The following CC2D2A variants were observed in gnomAD, a reference collection of about 807,000 sequenced individuals.
The protein encoded by CC2D2A is coiled-coil and C2 domain containing 2A, also known as coiled-coil and C2 domain-containing protein 2A.
Under a neutral mutation model 212.9 loss-of-function variants are expected in CC2D2A, and 155 were observed. The ratio of observed to expected loss-of-function variants is 0.73; its 90% CI spans 0.64 to 0.83. The LOEUF is 0.83. Ranked by LOEUF, CC2D2A falls within the 40% of genes least tolerant of loss-of-function variation. The pLI is 0.00. For missense variants in CC2D2A, 1,856 were observed against 1,956.2 expected, an observed-to-expected ratio of 0.95 and a Z score of 0.97; for synonymous variants, 667 against 686.5, an observed-to-expected ratio of 0.97 and a Z score of 0.44.
chr4:15,516,834 T>C (rs1198966213), intron 11 of CC2D2A, 78 bp downstream of exon 11: 3 of 1,380,850 alleles, frequency 2.2e-6, no homozygotes, highest in East Asian at 5.1e-5. Context: ...GGGTGCTATA[T>C]TTATAACATT....
chr4:15,483,343 G>A (rs1434399675), intron 4 of CC2D2A, among the ~76,000 whole-genome samples: 2 of 152,338 alleles, frequency 1.3e-5, no homozygotes, highest in East Asian at 3.9e-4. Flanking sequence ...GAACTGTAGG[G>A]TGAGGAGGAT....
At chr4:15,588,447 T>C (rs1481430840) in intron 32 of CC2D2A, among the ~76,000 whole-genome samples, 1 of 152,192 alleles carries the variant, frequency 6.6e-6, no homozygotes, top group Non-Finnish European at 1.5e-5. Context: ...GTTATTTTTA[T>C]TAGATTGGAG....
chr4:15,601,352 TATAC>T lies in CC2D2A; in HGVS notation c.4796_4799del (p.Ile1599ThrfsTer32). 6.2e-7 allele frequency: 1 copy of T among 1,608,414 alleles called. No individual in the cohort carries two copies. Among genetic ancestry groups the T allele is most frequent in the Non-Finnish European group, 8.5e-7 (1 of 1,176,682 alleles). ...CCTAATGTTGAATTTGCTTTAGCTG[TATAC>T]ATACACCCATACCCCAAAAATGTTT... On this transcript the variant is annotated frameshift_variant, in exon 37 of 37. Transcript: ENST00000424120. LOFTEE classifies it high-confidence loss of function.
intron 11 of CC2D2A, chr4:15,519,393 A>G: frequency 2.4e-6 from 1 of 408,966 alleles, no homozygotes; most frequent in Middle Eastern, 8.3e-4. Flanking sequence ...GTCTCTAGGG[A>G]GTTCCAAACT....
chr4:15,548,769 T>C (rs1272545771), intron 17 of CC2D2A, among the ~76,000 whole-genome samples: 2 of 152,054 alleles, frequency 1.3e-5, no homozygotes, highest in African/African-American at 2.4e-5. Context: ...GAGTGTTGGG[T>C]CAAGCAACAA....
At chr4:15,501,415 G>A (rs969777691) in intron 4 of CC2D2A, among the ~76,000 whole-genome samples, 3 of 152,016 alleles carry the variant, frequency 2.0e-5, no homozygotes, top group South Asian at 2.1e-4. Context: ...TTCTGAAAAC[G>A]CTGCTTGCAT....
chr4:15,582,912 A>G (rs1720714274), intron 30 of CC2D2A, among the ~76,000 whole-genome samples: 1 of 152,208 alleles, frequency 6.6e-6, no homozygotes, highest in Non-Finnish European at 1.5e-5. Flanking sequence ...CCTATATTCT[A>G]GGATAAACAT....
chr4:15,567,357 TCATA>T lies in CC2D2A; in HGVS notation c.3183-16_3183-13del. ...AGACTTCCTCTATCATTAATTTCCT[TCATA>T]CATTTTCTCTCCTAGCAAATTCCAG... On this transcript the variant is annotated splice_polypyrimidine_tract_variant and intron_variant, in intron 24 of 36. Coordinates refer to ENST00000424120, the MANE Select transcript of CC2D2A (RefSeq NM_001378615.1). The T allele has an allele frequency of 6.5e-7, 1 of 1,542,240 alleles. No homozygotes were observed. The highest frequency in any genetic ancestry group is 9.0e-7 in the Non-Finnish European group (1 of 1,116,132).
At position 15,586,475 on chromosome 4, in the gene CC2D2A, A is replaced by C. The variant is rs540178152; in HGVS notation, c.4065+229A>C. ...ACAAAAAATTTAAAAGTAACACTTC[A>C]GATGTCTTAATGCTGATTTACCCTC... is the stretch of plus-strand genomic sequence containing the variant. On this transcript the variant is annotated intron_variant, in intron 31 of 36. Transcript: ENST00000424120. 3.2e-3 allele frequency among the ~76,000 whole-genome samples: 494 copies of C among 152,342 alleles called. 4 individuals carry two copies. Among genetic ancestry groups the C allele is most frequent in the African/African-American group, 0.011 (477 of 41,582 alleles).
In CC2D2A at chr4:15,516,724, A is replaced by T; in HGVS notation, c.1117A>T (p.Ile373Phe). 6.2e-7 allele frequency: 1 copy of T among 1,613,258 alleles called. No homozygotes were observed. Among genetic ancestry groups the T allele is most frequent in the Non-Finnish European group, 8.5e-7 (1 of 1,179,478 alleles). ...GCCAGTACTAACACAGGAGCAGAGC[A>T]TTAAGGCAGAGCTTGAAACACTGTA... ...RPPVLTQEQS[I>F]KAELETLYKK... is the part of the protein sequence containing the mutation. Residue 373 changes from isoleucine (I) to phenylalanine (F), a missense_variant, in exon 11 of 37, where the codon ATT becomes TTT. Transcript: ENST00000424120.
intron 29 of CC2D2A, among the ~76,000 whole-genome samples, chr4:15,579,322 C>T (rs952136560): frequency 3.2e-4 from 49 of 151,168 alleles, no homozygotes; most frequent in African/African-American, 1.1e-3. Context: ...GAATAAGACC[C>T]TGTCTCAAAA....
At chr4:15,479,232 C>G (rs1265079606) in intron 3 of CC2D2A, 2 of 1,537,050 alleles carry the variant, frequency 1.3e-6, no homozygotes, top group Non-Finnish European at 1.7e-6. Flanking sequence ...GAAGCCAACT[C>G]CTTTCTCCCG....
intron 11 of CC2D2A, chr4:15,519,347 AT>A: frequency 2.4e-6 from 1 of 413,182 alleles, no homozygotes; most frequent in Non-Finnish European, 4.7e-6. Flanking sequence ...CATTGTCCAT[AT>A]TATTATCAGC....
intron 1 of CC2D2A, among the ~76,000 whole-genome samples, chr4:15,470,707 A>C (rs62289314): frequency 0.038 from 2,351 of 61,168 alleles, 49 homozygotes; most frequent in African/African-American, 0.083. Flanking sequence ...ATATATATAT[A>C]TATATATATA....
intron 11 of CC2D2A, among the ~76,000 whole-genome samples, chr4:15,525,186 CA>C (rs899192419): frequency 2.0e-5 from 3 of 152,132 alleles, no homozygotes; most frequent in African/African-American, 4.8e-5. Flanking sequence ...ACCTAAGTTG[CA>C]TTACAAGTAA....
intron 33 of CC2D2A, among the ~76,000 whole-genome samples, chr4:15,591,297 G>C (rs553375565): frequency 6.8e-6 from 1 of 146,212 alleles, no homozygotes; most frequent in Admixed American, 7.0e-5. Flanking sequence ...TCGGCTCAAC[G>C]CAACCTCCGT....
chr4:15,577,826 G>T (rs1720478394), intron 29 of CC2D2A, among the ~76,000 whole-genome samples: 1 of 152,028 alleles, frequency 6.6e-6, no homozygotes, highest in African/African-American at 2.4e-5. Context: ...AGCACTGTAG[G>T]TCTCAAGTCC....
At position 15,576,818 on chromosome 4, in the gene CC2D2A, G is replaced by T. The variant is rs1438842781; in HGVS notation, c.3771+2492G>T. On this transcript the variant is annotated intron_variant, in intron 29 of 36. Coordinates refer to ENST00000424120, the MANE Select transcript of CC2D2A (RefSeq NM_001378615.1). ...TCTTTTGGCCCATTTCATTTTACCA[G>T]AAAGACTGTTAGTTAGCTTTGAATC... 2.6e-5 allele frequency among the ~76,000 whole-genome samples: 4 copies of T among 152,156 alleles called. No individual in the cohort carries two copies. In the East Asian group the frequency reaches 7.7e-4, roughly 29 times the overall value.
intron 4 of CC2D2A, 146 bp downstream of exon 4, chr4:15,480,973 C>A: frequency 1.1e-6 from 1 of 910,994 alleles, no homozygotes; most frequent in Non-Finnish European, 1.6e-6. Flanking sequence ...TGGTGAGTGA[C>A]TCTAGGTTAA....
Sources: gnomAD v4.1 joint callset for allele counts (sites outside exome capture counted in the v4.1 genomes callset) on GRCh38, gnomAD v4.1.1 for gene constraint, MANE v1.5 for transcripts, NCBI Gene and HGNC (gene_info 2026-07-23, HGNC 2026-07-21) for gene names.